The following CWH43 variants were observed in gnomAD, a reference collection of about 807,000 sequenced individuals.
CWH43 encodes the protein cell wall biogenesis 43 C-terminal homolog.
In CWH43, 91 loss-of-function variants were observed where a neutral mutation model predicts 85.7. The observed-to-expected ratio is 1.06, with a 90% CI of 0.90 to 1.26. The LOEUF (loss-of-function observed/expected upper bound fraction) is 1.26, where lower values mean the gene tolerates loss of function less well. Among genes scored for constraint, CWH43 ranks in the 50% most tolerant of loss-of-function variants. The probability of loss-of-function intolerance (pLI) is 0.00; values close to 1 mark genes in which losing one functional copy is unlikely to be tolerated. For missense variants in CWH43, 869 were observed against 839.2 expected (o/e 1.04, Z -0.44); for synonymous variants, 323 against 293.6 (o/e 1.10, Z -1.02).
intron 8 of CWH43, among the ~76,000 whole-genome samples, chr4:49,015,252 A>T (rs1158326847): frequency 1.7e-4 from 25 of 144,544 alleles, no homozygotes; most frequent in South Asian, 2.2e-4. Flanking sequence ...TATTTTTTTC[A>T]TTGATTAGGG....
At chr4:49,001,762 C>A (rs1452331115) in intron 6 of CWH43, among the ~76,000 whole-genome samples, 1 of 152,114 alleles carries the variant, frequency 6.6e-6, no homozygotes, top group Non-Finnish European at 1.5e-5. Context: ...GAGATGTTTT[C>A]ATTCCCTCTA....
chr4:49,031,525 G>A (rs533356616), intron 11 of CWH43, among the ~76,000 whole-genome samples: 2 of 152,198 alleles, frequency 1.3e-5, no homozygotes, highest in East Asian at 3.9e-4. Flanking sequence ...GGGCCAAAGA[G>A]CAACTGGTAA....
chr4:48,997,778 G>A (rs545288125), intron 5 of CWH43, among the ~76,000 whole-genome samples: 3 of 152,146 alleles, frequency 2.0e-5, no homozygotes, highest in Admixed American at 6.5e-5. Flanking sequence ...AGGCACATGA[G>A]AATTAAATGA....
chr4:49,057,839 T>C (rs746278768), intron 15 of CWH43, among the ~76,000 whole-genome samples: 1 of 152,148 alleles, frequency 6.6e-6, no homozygotes, highest in Non-Finnish European at 1.5e-5. Flanking sequence ...ATTATATTGA[T>C]GAATTGAGCA....
intron 9 of CWH43, 24 bp from the exon 10 acceptor site, chr4:49,028,605 A>G: frequency 6.4e-7 from 1 of 1,565,552 alleles, no homozygotes; most frequent in Non-Finnish European, 8.8e-7. Flanking sequence ...GTCATCCTAA[A>G]CTACCATTAA....
Position 49,003,935 on chromosome 4 carries a change from G to T in CWH43, c.1003G>T (p.Ala335Ser). The T allele has an allele frequency of 6.2e-7, 1 of 1,613,684 alleles. No individual in the cohort carries two copies. Among genetic ancestry groups the T allele is most frequent in the Non-Finnish European group, 8.5e-7 (1 of 1,179,866 alleles). The change falls in exon 7 of 16, where the codon GCT becomes TCT. Residue 335 changes from alanine (A) to serine (S), a missense_variant. Ala to Ser is a moderately conservative substitution (Grantham distance 99). This residue lies in a region of CWH43 where 577 missense variants were observed against 513.1 expected (regional missense o/e 1.12). Coordinates refer to ENST00000226432, the MANE Select transcript of CWH43 (RefSeq NM_025087.3). ...AATATTTTTCTGTGCCTGGTGCACA[G>T]CTTTTAAGTTTGTCCCAGGAGGTGT... ...LEIFFCAWCT[A>S]FKFVPGGVYA... is the part of the protein sequence containing the mutation.
At chr4:49,054,583 C>T (rs142504315) in intron 15 of CWH43, among the ~76,000 whole-genome samples, 54 of 152,164 alleles carry the variant, frequency 3.5e-4, no homozygotes, top group African/African-American at 1.2e-3. Flanking sequence ...ATTGAATCTG[C>T]AGATTGCTTT....
At chr4:49,037,911 C>T (rs1185259980) in intron 12 of CWH43, 125 bp from the exon 13 acceptor site, 14 of 716,866 alleles carry the variant, frequency 2.0e-5, no homozygotes, top group Non-Finnish European at 3.0e-5. Flanking sequence ...AAGACAGTTG[C>T]CCGAGTAGGA....
At chr4:49,047,284 A>G (rs965370934) in intron 14 of CWH43, among the ~76,000 whole-genome samples, 2 of 152,230 alleles carry the variant, frequency 1.3e-5, no homozygotes, top group African/African-American at 4.8e-5. Context: ...TTTGCCATTC[A>G]ACAAGTATCG....
chr4:49,030,176 G>A (rs986746583), intron 10 of CWH43, among the ~76,000 whole-genome samples: 2 of 152,182 alleles, frequency 1.3e-5, no homozygotes, highest in Admixed American at 6.6e-5. Context: ...TCAGTGCTCC[G>A]GGGTGCTCAT....
At chr4:49,057,417 AAG>A (rs1298036523) in intron 15 of CWH43, among the ~76,000 whole-genome samples, 1 of 152,214 alleles carries the variant, frequency 6.6e-6, no homozygotes, top group Admixed American at 6.5e-5. Context: ...GCCTCTCTGA[AAG>A]AGGCAGTAAA....
intron 6 of CWH43, among the ~76,000 whole-genome samples, chr4:49,002,202 T>G (rs150602766): frequency 3.7e-4 from 57 of 152,166 alleles, no homozygotes; most frequent in African/African-American, 1.3e-3. Context: ...GGAATCTGTT[T>G]TAAGGAAATA....
chr4:49,002,181 T>C (rs1355660465), intron 6 of CWH43, among the ~76,000 whole-genome samples: 2 of 151,974 alleles, frequency 1.3e-5, no homozygotes, highest in Non-Finnish European at 2.9e-5. Context: ...GACATAAGAG[T>C]TGTGTTGCTA....
intron 6 of CWH43, among the ~76,000 whole-genome samples, chr4:49,001,320 T>C (rs1412404555): frequency 2.0e-5 from 3 of 152,196 alleles, no homozygotes; most frequent in Non-Finnish European, 4.4e-5. Context: ...TCAGTTATTA[T>C]AATTGTTATT....
chr4:49,024,916 A>G (rs1052306879), intron 9 of CWH43, among the ~76,000 whole-genome samples: 1 of 152,126 alleles, frequency 6.6e-6, no homozygotes, highest in African/African-American at 2.4e-5. Flanking sequence ...AGGCTAGGGA[A>G]GTTCTCCTCA....
At chr4:49,039,207 A>T (rs1446452473) in intron 13 of CWH43, among the ~76,000 whole-genome samples, 2 of 140,402 alleles carry the variant, frequency 1.4e-5, no homozygotes, top group East Asian at 2.1e-4. Context: ...ACACTGAATT[A>T]CTCTACCTTT....
At chr4:49,027,678 C>T (rs536966332) in intron 9 of CWH43, among the ~76,000 whole-genome samples, 18 of 152,220 alleles carry the variant, frequency 1.2e-4, no homozygotes, top group Non-Finnish European at 2.5e-4. Flanking sequence ...GCATTTATCC[C>T]TTGGGTTACA....
intron 9 of CWH43, among the ~76,000 whole-genome samples, chr4:49,021,828 G>T (rs567079668): frequency 3.9e-5 from 6 of 152,086 alleles, no homozygotes; most frequent in African/African-American, 1.4e-4. Context: ...TGTAAAAGGG[G>T]TTGAATTCTT....
At position 49,039,320 on chromosome 4, in the gene CWH43, T is replaced by TATATATATATATATATATATATACTG. The variant is rs71191284; in HGVS notation, c.1803+1153_1803+1154insTATATATATACTGATATATATATATA. On this transcript the variant is annotated intron_variant, in intron 13 of 15. Coordinates refer to ENST00000226432, the MANE Select transcript of CWH43 (RefSeq NM_025087.3). ...CTCAGGAGACTGATATATATATATA[T>TATATATATATATATATATATATACTG]ATATATATATATACTGATGTATATA... 1.1e-3 allele frequency among the ~76,000 whole-genome samples: 32 copies of TATATATATATATATATATATATACTG among 30,236 alleles called. 7 individuals carry two copies. The highest frequency in any genetic ancestry group is 2.1e-3 in the Non-Finnish European group (25 of 11,864). The allele number at this position is 30,236 out of a possible 152,430, so 19.8% of individuals were successfully genotyped here.
Sources: gnomAD v4.1 joint callset for allele counts (sites outside exome capture counted in the v4.1 genomes callset) on GRCh38, gnomAD v4.1.1 for gene constraint, gnomAD v4.1.1 regional missense constraint, MANE v1.5 for transcripts, NCBI Gene and HGNC (gene_info 2026-07-23, HGNC 2026-07-21) for gene names.